Variants in CSMD3 observed in about 807,000 individuals in gnomAD.
CSMD3 encodes the protein CUB and sushi domain-containing protein 3.
In CSMD3, 177 loss-of-function variants were observed where a neutral mutation model predicts 435.2. The ratio of observed to expected loss-of-function variants is 0.41; its 90% confidence interval spans 0.36 to 0.46. The LOEUF (loss-of-function observed/expected upper bound fraction) is 0.46. CSMD3 is among the 20% of genes least tolerant of loss of function. The pLI is 0.34. For missense variants in CSMD3, 4,265 were observed against 4,504.6 expected, an observed-to-expected ratio of 0.95 and a Z score of 1.52; for synonymous variants, 1,656 against 1,520.5, an observed-to-expected ratio of 1.09 and a Z score of -2.07.
chr8:112,561,882 CA>C (rs1420054257), intron 24 of CSMD3, among the ~76,000 whole-genome samples: 2 of 151,724 alleles, frequency 1.3e-5, no homozygotes, highest in East Asian at 3.9e-4. Flanking sequence ...CAGGCATGCA[CA>C]CATGCGCACA....
chr8:113,426,947 T>C (rs2094638940), intron 1 of CSMD3, among the ~76,000 whole-genome samples: 1 of 151,488 alleles, frequency 6.6e-6, no homozygotes, highest in African/African-American at 2.4e-5. Flanking sequence ...TCAAAACTAT[T>C]TAAAATAAGA....
chr8:113,261,859 A>G (rs2093430028), intron 3 of CSMD3, among the ~76,000 whole-genome samples: 2 of 152,100 alleles, frequency 1.3e-5, no homozygotes, highest in African/African-American at 2.4e-5. Flanking sequence ...ACTAGCTAAC[A>G]TATATGAAAT....
rs531280339 is a variant in CSMD3, at chr8:112,651,699, G to A, written c.3005-1350C>T. 8.0e-4 allele frequency among the ~76,000 whole-genome samples: 122 copies of A among 151,942 alleles called. 1 individual carries two copies. Among genetic ancestry groups the A allele is most frequent in the South Asian group, 1.9e-3 (9 of 4,820 alleles). ...ACTACAGGCACATGCCACCATTCCCGGCTAATTTTTTGTATTGTTAGTAGA... is the reference window on the plus strand; with the variant it reads ...ACTACAGGCACATGCCACCATTCCCAGCTAATTTTTTGTATTGTTAGTAGA... On this transcript the variant is annotated intron_variant, in intron 18 of 70. Coordinates refer to ENST00000297405, the MANE Select transcript of CSMD3 (RefSeq NM_198123.2).
intron 3 of CSMD3, among the ~76,000 whole-genome samples, chr8:113,188,424 T>C (rs1472897562): frequency 6.6e-6 from 1 of 152,002 alleles, no homozygotes; most frequent in Non-Finnish European, 1.5e-5. Context: ...TCAAATCTCT[T>C]TGGAAACTCA....
At chr8:113,225,237 T>C (rs930478045) in intron 3 of CSMD3, among the ~76,000 whole-genome samples, 4 of 151,498 alleles carry the variant, frequency 2.6e-5, no homozygotes, top group Non-Finnish European at 5.9e-5. Flanking sequence ...TGAAGTATCA[T>C]TTTGGTGCAT....
intron 45 of CSMD3, among the ~76,000 whole-genome samples, chr8:112,330,083 GGGTCACACAGTTAAAGGCAATCGT>G (rs1563797915): frequency 6.6e-6 from 1 of 151,998 alleles, no homozygotes; most frequent in African/African-American, 2.4e-5. Flanking sequence ...TGAGGCAAAG[GGGTCACACAGTTAAAGGCAATCGT>G]GACTTATGGT....
chr8:112,921,585 A>G (rs764012710), intron 10 of CSMD3, 42 bp downstream of exon 10: 1 of 1,519,836 alleles, frequency 6.6e-7, no homozygotes, highest in South Asian at 1.1e-5. Context: ...TAAAGGTTAA[A>G]CTATTAAAAT....
chr8:112,764,758 T>G (rs1464068987), intron 13 of CSMD3, among the ~76,000 whole-genome samples: 1 of 151,690 alleles, frequency 6.6e-6, no homozygotes, highest in East Asian at 1.9e-4. Context: ...TCAAAAAAAT[T>G]TCAAAACCTT....
chr8:113,222,060 T>C (rs1429489955), intron 3 of CSMD3, among the ~76,000 whole-genome samples: 1 of 151,152 alleles, frequency 6.6e-6, no homozygotes, highest in African/African-American at 2.4e-5. Flanking sequence ...ATAAGAAATA[T>C]GAATTTATGA....
In CSMD3 at chr8:112,594,457, G is replaced by T. The variant is rs1159068469; in HGVS notation, c.3716-7222C>A. Among the ~76,000 whole-genome samples the T allele has an allele frequency of 2.6e-5, 4 of 152,030 alleles. No homozygotes were observed. In the East Asian group the frequency reaches 7.8e-4, roughly 29 times the overall value. On this transcript the variant is annotated intron_variant, in intron 22 of 70. Transcript: ENST00000297405. ...GGCTGGGGGAGGGGCGCCCGCCATTGCCCAGGCTTGCTTAGGTAAACAAAG... is the reference window on the plus strand; with the variant it reads ...GGCTGGGGGAGGGGCGCCCGCCATTTCCCAGGCTTGCTTAGGTAAACAAAG...
chr8:112,508,871 T>C (rs902572862), intron 28 of CSMD3, among the ~76,000 whole-genome samples: 2 of 152,152 alleles, frequency 1.3e-5, no homozygotes, highest in Admixed American at 1.3e-4. Context: ...ACCCCTGTGC[T>C]GTATGTACCT....
chr8:113,142,202 T>C (rs2091565278), intron 4 of CSMD3, among the ~76,000 whole-genome samples: 1 of 151,220 alleles, frequency 6.6e-6, no homozygotes, highest in African/African-American at 2.4e-5. Context: ...TCTAAATTGA[T>C]TTATATGTTT....
chr8:112,335,212 A>C, intron 45 of CSMD3, 117 bp downstream of exon 45: 1 of 1,028,704 alleles, frequency 9.7e-7, no homozygotes, highest in Admixed American at 2.0e-5. Flanking sequence ...CTGTGATTAT[A>C]AAATTTCTAA....
chr8:112,645,208 C>T lies in CSMD3; in HGVS notation c.3211G>A (p.Val1071Ile), dbSNP rs2131613184. The T allele has an allele frequency of 6.4e-7, 1 of 1,574,068 alleles. No individual in the cohort carries two copies. Among genetic ancestry groups the T allele is most frequent in the Non-Finnish European group, 8.7e-7 (1 of 1,143,616 alleles). Reference sequence around the variant, plus strand: ...AAGATTGTTCCACTAGGCCCTCTAACATCTCCTCCACATAATGCTGAAATA... The same window carrying T: ...AAGATTGTTCCACTAGGCCCTCTAATATCTCCTCCACATAATGCTGAAATA... ...PTCDALCGGD[V>I]RGPSGTILSP... Residue 1071 changes from valine to isoleucine, a missense_variant, in exon 20 of 71, where the codon GTT (valine) becomes ATT (isoleucine). Val to Ile is a conservative substitution (Grantham distance 29). Coordinates refer to ENST00000297405, the MANE Select transcript of CSMD3 (RefSeq NM_198123.2).
chr8:112,798,703 G>A (rs1334549993), intron 13 of CSMD3, among the ~76,000 whole-genome samples: 1 of 151,838 alleles, frequency 6.6e-6, no homozygotes, highest in East Asian at 1.9e-4. Flanking sequence ...CTATTCATGA[G>A]TTTTAATAAA....
At chr8:113,397,640 C>A (rs949447357) in intron 1 of CSMD3, among the ~76,000 whole-genome samples, 4 of 151,684 alleles carry the variant, frequency 2.6e-5, no homozygotes, top group Non-Finnish European at 4.4e-5. Context: ...CACGGTGAAA[C>A]CCCGTCTCTA....
At chr8:112,246,843 C>T (rs577968357) in intron 64 of CSMD3, among the ~76,000 whole-genome samples, 177 bp downstream of exon 64, 1 of 152,196 alleles carries the variant, frequency 6.6e-6, no homozygotes, top group Non-Finnish European at 1.5e-5. Context: ...TTAGAGAGTG[C>T]TTCCCAATGG....
intron 5 of CSMD3, among the ~76,000 whole-genome samples, chr8:113,084,245 A>T (rs931638718): frequency 3.3e-5 from 5 of 152,140 alleles, no homozygotes; most frequent in Admixed American, 1.3e-4. Flanking sequence ...TGATAAAAAA[A>T]TTAGTAAAGT....
At chr8:112,412,962 T>G (rs1811512064) in intron 32 of CSMD3, among the ~76,000 whole-genome samples, 1 of 152,152 alleles carries the variant, frequency 6.6e-6, no homozygotes, top group African/African-American at 2.4e-5. Flanking sequence ...GGTACATATT[T>G]CCATGAAGAG....
Sources: allele counts gnomAD v4.1 joint callset (sites outside exome capture counted in the v4.1 genomes callset), GRCh38; gene constraint gnomAD v4.1.1; transcripts MANE v1.5; gene names NCBI Gene and HGNC (gene_info 2026-07-23, HGNC 2026-07-21).